Variants in RIMS2 observed in about 807,000 individuals in gnomAD.
RIMS2 encodes the protein regulating synaptic membrane exocytosis protein 2.
A neutral mutation model predicts 174.4 loss-of-function variants in RIMS2; 59 were observed. The observed-to-expected ratio is 0.34, with a 90% CI of 0.27 to 0.42. The LOEUF is 0.42. RIMS2 is among the 10% of genes least tolerant of loss of function. The pLI is 1.00. For missense variants in RIMS2, 1,620 were observed against 1,666.3 expected, an observed-to-expected ratio of 0.97 and a Z score of 0.48; for synonymous variants, 606 against 572.5, an observed-to-expected ratio of 1.06 and a Z score of -0.84.
chr8:103,845,607 G>C (rs2098963787), intron 3 of RIMS2, among the ~76,000 whole-genome samples: 1 of 151,992 alleles, frequency 6.6e-6, no homozygotes, highest in Non-Finnish European at 1.5e-5. Context: ...CCCAAACCCA[G>C]GTGCTCTTAC....
At chr8:104,054,104 G>A (rs55934865) in intron 19 of RIMS2, among the ~76,000 whole-genome samples, 19,463 of 151,996 alleles carry the variant, frequency 0.13, 1,707 homozygotes, top group Non-Finnish European at 0.19. Context: ...ATAAAAACTC[G>A]GTCCAGTTTC....
chr8:103,519,117 T>TTGA (rs1830428830), intron 1 of RIMS2, among the ~76,000 whole-genome samples: 1 of 152,118 alleles, frequency 6.6e-6, no homozygotes, highest in Admixed American at 6.5e-5. Context: ...TTCTGGAGCA[T>TTGA]TGAAGGGGTA....
In RIMS2 at chr8:104,068,608, C is replaced by T. The variant is rs765899899; in HGVS notation, c.3334+53993C>T. 21 of 1,492,168 alleles carry T rather than the reference C, an allele frequency of 1.4e-5. No homozygotes were observed. The African/African-American group carries it at 2.2e-4, about 16-fold the overall frequency. 92.4% of individuals were successfully genotyped at this position (1,492,168 alleles called of 1,614,324 possible). ...CCCAGACTGGAACAAGATTACCATT[C>T]GAAGGCAAGACATTTTTCTTTTTAA... On this transcript the variant is annotated intron_variant, in intron 19 of 23. Coordinates refer to ENST00000504942, the Ensembl canonical transcript of RIMS2.
At chr8:103,608,809 T>C (rs2095255169) in intron 1 of RIMS2, among the ~76,000 whole-genome samples, 1 of 152,212 alleles carries the variant, frequency 6.6e-6, no homozygotes, top group Admixed American at 6.5e-5. Flanking sequence ...CCCTGATCCG[T>C]TGCACTTCCC....
At chr8:103,886,318 T>A (rs2099201018) in intron 4 of RIMS2, 95 bp downstream of exon 7, 25 of 1,011,178 alleles carry the variant, frequency 2.5e-5, no homozygotes, top group South Asian at 1.6e-4. Flanking sequence ...TAGGTATTAC[T>A]AGTAGCTTTA....
intron 3 of RIMS2, among the ~76,000 whole-genome samples, chr8:103,786,937 C>G (rs199634334): frequency 2.0e-5 from 3 of 151,558 alleles, no homozygotes; most frequent in Non-Finnish European, 2.9e-5. Flanking sequence ...ACGACTTGCT[C>G]TATGAATCTG....
At chr8:103,788,529 T>C (rs1189807387) in intron 3 of RIMS2, among the ~76,000 whole-genome samples, 5,134 of 146,816 alleles carry the variant, frequency 0.035, 16 homozygotes, top group Non-Finnish European at 0.051. Flanking sequence ...AATACCCTGC[T>C]GTGTGAGGTG....
intron 19 of RIMS2, among the ~76,000 whole-genome samples, chr8:104,025,580 T>A (rs1168044107): frequency 6.6e-6 from 1 of 152,214 alleles, no homozygotes; most frequent in Non-Finnish European, 1.5e-5. Flanking sequence ...TGTTAGTTAT[T>A]ACTGTAATTT....
At chr8:104,093,431 T>C (rs891086020) in intron 19 of RIMS2, 40 bp from the exon 24 acceptor site, 2 of 1,433,498 alleles carry the variant, frequency 1.4e-6, no homozygotes, top group Non-Finnish European at 1.9e-6. Context: ...TGTGTGGTAA[T>C]ACTGACAACT....
At chr8:104,122,790 T>G (rs1324183532) in intron 19 of RIMS2, among the ~76,000 whole-genome samples, 1 of 152,174 alleles carries the variant, frequency 6.6e-6, no homozygotes, top group Admixed American at 6.5e-5. Flanking sequence ...TTAAAAGACA[T>G]TAATTATTCC....
At chr8:103,910,807 G>T (rs28572253) in intron 5 of RIMS2, among the ~76,000 whole-genome samples, 9,650 of 152,140 alleles carry the variant, frequency 0.063, 330 homozygotes, top group Non-Finnish European at 0.071. Flanking sequence ...GTCTTTTGTC[G>T]CATGAGAGAA....
chr8:103,739,548 T>G (rs118025755), intron 2 of RIMS2, among the ~76,000 whole-genome samples: 3,466 of 152,192 alleles, frequency 0.023, 54 homozygotes, highest in South Asian at 0.068. Flanking sequence ...AAAATAAACT[T>G]CAATGTTATT....
At chr8:103,685,228 A>C (rs1457624154) in intron 1 of RIMS2, among the ~76,000 whole-genome samples, 1 of 152,152 alleles carries the variant, frequency 6.6e-6, no homozygotes, top group Non-Finnish European at 1.5e-5. Context: ...AAGCTGTACA[A>C]GAAGCAAAGT....
At chr8:103,654,137 T>C (rs1440015965) in intron 1 of RIMS2, among the ~76,000 whole-genome samples, 1 of 152,032 alleles carries the variant, frequency 6.6e-6, no homozygotes, top group African/African-American at 2.4e-5. Context: ...TAATTAGATG[T>C]AATTTTGTCT....
intron 3 of RIMS2, among the ~76,000 whole-genome samples, chr8:103,783,478 A>T (rs1344237289): frequency 2.8e-5 from 4 of 144,404 alleles, no homozygotes; most frequent in South Asian, 4.4e-4. Context: ...TGTCCATGTG[A>T]TCTCATTGTT....
At chr8:104,063,296 T>C (rs13259172) in intron 19 of RIMS2, among the ~76,000 whole-genome samples, 1 of 151,972 alleles carries the variant, frequency 6.6e-6, no homozygotes, top group African/African-American at 2.4e-5. Flanking sequence ...TATGTTGTTA[T>C]GTTAAAAAAT....
chr8:104,143,816 C>T (rs1182023913), intron 19 of RIMS2, among the ~76,000 whole-genome samples: 1 of 152,180 alleles, frequency 6.6e-6, no homozygotes, highest in Non-Finnish European at 1.5e-5. Flanking sequence ...AGAATCACCC[C>T]AGTCTTTCAT....
intron 1 of RIMS2, among the ~76,000 whole-genome samples, chr8:103,610,811 G>A (rs2095342229): frequency 6.6e-6 from 1 of 152,134 alleles, no homozygotes; most frequent in African/African-American, 2.4e-5. Flanking sequence ...TGTCTGCCAT[G>A]TTTTGGTATC....
At chr8:103,756,485 G>A (rs1287851505) in intron 2 of RIMS2, among the ~76,000 whole-genome samples, 1 of 150,730 alleles carries the variant, frequency 6.6e-6, no homozygotes, top group Non-Finnish European at 1.5e-5. Flanking sequence ...ACCCAGGCTG[G>A]AGTGCAGTGG....
Sources: allele counts gnomAD v4.1 joint callset (sites outside exome capture counted in the v4.1 genomes callset), GRCh38; gene constraint gnomAD v4.1.1; transcripts MANE v1.5; gene names NCBI Gene and HGNC (gene_info 2026-07-23, HGNC 2026-07-21).